Variants in CELF3 observed in about 807,000 individuals in gnomAD.
CELF3 encodes CAG repeat domain.
CELF3 carries 26 observed loss-of-function variants against 59.6 expected under a neutral mutation model. The ratio of observed to expected loss-of-function variants is 0.44; its 90% CI spans 0.32 to 0.61. The LOEUF (loss-of-function observed/expected upper bound fraction) is 0.61. CELF3 is among the 20% of genes least tolerant of loss of function. The pLI is 0.06. For missense variants in CELF3, 387 were observed against 627.2 expected (o/e 0.62, Z 4.09); for synonymous variants, 245 against 250.7 (o/e 0.98, Z 0.22).
rs1308583811 is a variant in CELF3, at chr1:151,705,027, C to A, written c.*10+4G>T. On this transcript the variant is annotated splice_donor_region_variant and intron_variant, in intron 12 of 12. Transcript: ENST00000290583. The surrounding 1 kb of genome is among the most constrained non-coding windows in gnomAD (Gnocchi z 5.1). Reference sequence around the variant, plus strand: ...GAGGGAGGCCACAACGGAGCGGGACCCACCTGGGGGCCCTCAGTAGGGCCG... The same window carrying A: ...GAGGGAGGCCACAACGGAGCGGGACACACCTGGGGGCCCTCAGTAGGGCCG... The A allele has an allele frequency of 6.8e-6, 11 of 1,608,340 alleles. No individual in the cohort carries two copies. Among genetic ancestry groups the A allele is most frequent in the Non-Finnish European group, 9.4e-6 (11 of 1,175,992 alleles).
chr1:151,706,913 G>A (rs548431265), intron 8 of CELF3, among the ~76,000 whole-genome samples, 179 bp from the exon 9 acceptor site: 4 of 152,346 alleles, frequency 2.6e-5, no homozygotes, highest in Admixed American at 2.0e-4. Context: ...AGAGCCCAGC[G>A]TTAGGAAGAC....
In CELF3 at chr1:151,711,199, G is replaced by A. The variant is rs377085552; in HGVS notation, c.229-1408C>T. The A allele has an allele frequency of 1.6e-4, 38 of 233,958 alleles. 2 individuals are homozygous for A. In the South Asian group the frequency reaches 2.3e-3, roughly 14 times the overall value. The allele number at this position is 233,958 out of a possible 1,614,324, so 14.5% of individuals were successfully genotyped here. A position where few individuals can be genotyped will look rare whatever the true frequency, so the allele number is the denominator to read the frequency against. The stretch of plus-strand genomic sequence containing the variant: ...TCCTTATCTGTAAAACAAGGGGGTG[G>A]GCCAGGCGATGTCTAATCAGGTTCC... On this transcript the variant is annotated intron_variant, in intron 2 of 12. Transcript: ENST00000290583.
In CELF3 at chr1:151,705,182, G is replaced by A. The variant is rs1672408227; in HGVS notation, c.1271-14C>T. On this transcript the variant is annotated splice_polypyrimidine_tract_variant and intron_variant, in intron 11 of 12. Transcript: ENST00000290583. This position sits in a 1 kb window ranked among gnomAD's most constrained non-coding sequence, Gnocchi z 5.1. ...AACTCACAAAGCCTGGGGTGAGAGGGGCATAAGGCCCGGCCCAGCCCCACC... is the reference window on the plus strand; with the variant it reads ...AACTCACAAAGCCTGGGGTGAGAGGAGCATAAGGCCCGGCCCAGCCCCACC... 2 of 1,609,050 alleles carry A rather than the reference G, an allele frequency of 1.2e-6. No individual in the cohort carries two copies. Among genetic ancestry groups the A allele is most frequent in the Non-Finnish European group, 1.7e-6 (2 of 1,176,566 alleles).
rs374425006 is a variant in CELF3, at chr1:151,707,771, G to A, written c.630+21C>T. On this transcript the variant is annotated intron_variant, in intron 6 of 12. Coordinates refer to ENST00000290583, the MANE Select transcript of CELF3 (RefSeq NM_007185.7). ...TACAGGGGGTCAGGAGGGCTGGCCCGGCATCAGGGGCAGTGCTCACGGCCT... is the reference window on the plus strand; with the variant it reads ...TACAGGGGGTCAGGAGGGCTGGCCCAGCATCAGGGGCAGTGCTCACGGCCT... The A allele has an allele frequency of 7.0e-5, 113 of 1,607,338 alleles. No homozygotes were observed. In the Middle Eastern group the frequency reaches 2.0e-3, roughly 28 times the overall value.
At position 151,703,840 on chromosome 1, in the gene CELF3, C is replaced by T. The variant is rs1001345939; in HGVS notation, c.*11-392G>A. 6.6e-5 allele frequency among the ~76,000 whole-genome samples: 10 copies of T among 152,086 alleles called. No homozygotes were observed. In the East Asian group the frequency reaches 1.2e-3, roughly 18 times the overall value. On this transcript the variant is annotated intron_variant, in intron 12 of 12. Transcript: ENST00000290583. Reference sequence around the variant, plus strand: ...CACCTGGAAAAAGAAAGGGAACACCCGCAGAGAAGGCCAGGGCAGAGCCCA... The same window carrying T: ...CACCTGGAAAAAGAAAGGGAACACCTGCAGAGAAGGCCAGGGCAGAGCCCA...
chr1:151,706,582 G>T, intron 9 of CELF3, 87 bp downstream of exon 9: 1 of 1,402,124 alleles, frequency 7.1e-7, no homozygotes, highest in Non-Finnish European at 9.9e-7. Context: ...TTGGCAGGGA[G>T]CCAAGAAGCC....
chr1:151,708,917 G>A, intron 5 of CELF3, 81 bp downstream of exon 5: 1 of 1,289,818 alleles, frequency 7.8e-7, no homozygotes, highest in South Asian at 1.2e-5. Context: ...CCCATCCTGA[G>A]TGGACTGCTT....
At position 151,716,334 on chromosome 1, in the gene CELF3, G is replaced by T; in HGVS notation, c.-314C>A. ...GGGTGAGTATGGCCAAGACCTGGAG[G>T]GTTAGGTGGTAGCCGGGGGTGCTAG... is the stretch of plus-strand genomic sequence containing the variant. On this transcript the variant is annotated 5_prime_UTR_variant, in exon 1 of 13. Transcript: ENST00000290583. 3 of 350,768 alleles carry T rather than the reference G, an allele frequency of 8.6e-6. No homozygotes were observed. Among genetic ancestry groups the T allele is most frequent in the East Asian group, 5.2e-5 (1 of 19,066 alleles). 21.7% of individuals were successfully genotyped at this position (350,768 alleles called of 1,614,324 possible). A position where few individuals can be genotyped will look rare whatever the true frequency, so the allele number is the denominator to read the frequency against.
In CELF3 at chr1:151,709,342, C is replaced by T. The variant is rs766430217; in HGVS notation, c.284G>A (p.Arg95Gln). Residue 95 changes from arginine to glutamine, a missense_variant, in exon 4 of 13, where the codon CGG (arginine) becomes CAG (glutamine). Arg to Gln is a conservative substitution (Grantham distance 43). Transcript: ENST00000290583. This position sits in a 1 kb window ranked among gnomAD's most constrained non-coding sequence, Gnocchi z 4.9. ...PADSESRGEDRKLFVGMLGKQ... is the reference protein window; with the variant it reads ...PADSESRGEDQKLFVGMLGKQ... Reference sequence around the variant, plus strand: ...CCCTAGCATCCCCACAAAGAGCTTCCGGTCTTCTGGGTGGTAGGGCACAGG... The same window carrying T: ...CCCTAGCATCCCCACAAAGAGCTTCTGGTCTTCTGGGTGGTAGGGCACAGG... The T allele has an allele frequency of 5.0e-6, 8 of 1,614,016 alleles. No homozygotes were observed. The highest frequency in any genetic ancestry group is 5.9e-6 in the Non-Finnish European group (7 of 1,179,936).
rs367603038 is a variant in CELF3, at chr1:151,705,878, T to G, written c.1214A>C (p.His405Pro). 6 of 1,614,072 alleles carry G rather than the reference T, an allele frequency of 3.7e-6. No individual in the cohort carries two copies. In the African/African-American group the frequency reaches 5.3e-5, roughly 14 times the overall value. ...EILQMFVPFG[H>P]VISAKVFVDR... ...AACAAAGACTTTGGCTGAGATGACG[T>G]GGCCAAAGGGGACAAACATCTGGAG... Residue 405 changes from histidine to proline, a missense_variant, in exon 11 of 13, where the codon CAC (histidine) becomes CCC (proline). His to Pro is a moderately conservative substitution (Grantham distance 77). This residue lies in a region of CELF3 where 48 missense variants were observed against 118.8 expected (regional missense o/e 0.40). Transcript: ENST00000290583. The surrounding 1 kb of genome is among the most constrained non-coding windows in gnomAD (Gnocchi z 5.1).
In CELF3 at chr1:151,709,476, G is replaced by A. The variant is rs549121975; in HGVS notation, c.278-128C>T. ...CCCTTAGGGTCCAATGGCTGTAGGG[G>A]CTGATGGTTGGGGAATGGGGTATAG... On this transcript the variant is annotated intron_variant, in intron 3 of 12. Coordinates refer to ENST00000290583, the MANE Select transcript of CELF3 (RefSeq NM_007185.7). This position sits in a 1 kb window ranked among gnomAD's most constrained non-coding sequence, Gnocchi z 4.9. The A allele has an allele frequency of 9.0e-6, 12 of 1,334,476 alleles. No homozygotes were observed. The highest frequency in any genetic ancestry group is 1.3e-5 in the Non-Finnish European group (12 of 951,708). The allele number at this position is 1,334,476 out of a possible 1,614,324, so 82.7% of individuals were successfully genotyped here.
At position 151,716,669 on chromosome 1, in the gene CELF3, G is replaced by GCCCC; in HGVS notation, c.-653_-650dup. 1 of 116,324 alleles carries GCCCC rather than the reference G, an allele frequency of 8.6e-6. No individual in the cohort carries two copies. 7.2% of individuals were successfully genotyped at this position (116,324 alleles called of 1,614,324 possible). A position where few individuals can be genotyped will look rare whatever the true frequency, so the allele number is the denominator to read the frequency against. ...CGCCCCCCTTCAGGTCCTCCCCTCA[G>GCCCC]CCCCCCTCCCACCCCCACCCCAGTC... On this transcript the variant is annotated 5_prime_UTR_variant, in exon 1 of 13. Coordinates refer to ENST00000290583, the MANE Select transcript of CELF3 (RefSeq NM_007185.7).
chr1:151,712,814 T>TA (rs1673134866), intron 2 of CELF3, among the ~76,000 whole-genome samples: 5 of 152,048 alleles, frequency 3.3e-5, no homozygotes, highest in African/African-American at 1.2e-4. Context: ...TCTGATTTTT[T>TA]TAAAAAAACC....
intron 2 of CELF3, among the ~76,000 whole-genome samples, chr1:151,711,533 C>T (rs1479270382): frequency 1.3e-5 from 2 of 152,058 alleles, no homozygotes; most frequent in African/African-American, 2.4e-5. Context: ...CTGCCCCCAG[C>T]TTTATCACCC....
At chr1:151,713,250 G>T (rs1240593649) in intron 2 of CELF3, among the ~76,000 whole-genome samples, 1 of 152,180 alleles carries the variant, frequency 6.6e-6, no homozygotes, top group Admixed American at 6.5e-5. Context: ...ACCCTGGGCT[G>T]GACTTCCTCA....
Position 151,707,285 on chromosome 1 carries a change from G to A in CELF3, c.782C>T (p.Thr261Ile), listed in dbSNP as rs748240817. 6.4e-7 allele frequency: 1 copy of A among 1,570,692 alleles called. No homozygotes were observed. The highest frequency in any genetic ancestry group is 8.6e-7 in the Non-Finnish European group (1 of 1,159,682). ...TPITPSSGTS[T>I]PPAIAATPVS... ...AGGCGTGGCAGCGATGGCAGGAGGG[G>A]TGCTGGTTCCTGGGGAGGAGAAAGC... Residue 261 changes from threonine to isoleucine, a missense_variant, in exon 8 of 13, where the codon ACC (threonine) becomes ATC (isoleucine). Thr to Ile is a moderately conservative substitution (Grantham distance 89, BLOSUM62 -1). Coordinates refer to ENST00000290583, the MANE Select transcript of CELF3 (RefSeq NM_007185.7).
intron 2 of CELF3, chr1:151,714,356 G>A: frequency 1.6e-6 from 1 of 613,742 alleles, no homozygotes; most frequent in Non-Finnish European, 2.9e-6. Flanking sequence ...GTGGGGAAGG[G>A]GCTGCATCTG....
In CELF3 at chr1:151,707,628, G is replaced by C. The variant is rs1430563013; in HGVS notation, c.651C>G (p.Ala217=). The part of the protein sequence containing the change: ...YTQALMQQQA[A]LVAAHSAYLS... ...GGTAGGCACTGTGAGCCGCTACCAGGGCCGCCTGCTGCTGCATCAGCTGGG... is the reference window on the plus strand; with the variant it reads ...GGTAGGCACTGTGAGCCGCTACCAGCGCCGCCTGCTGCTGCATCAGCTGGG... The change falls in exon 7 of 13, where the codon GCC becomes GCG. Residue 217 remains alanine (A), a synonymous_variant. Transcript: ENST00000290583. 6.2e-7 allele frequency: 1 copy of C among 1,607,188 alleles called. No individual in the cohort carries two copies.
At chr1:151,715,841 AC>A (rs776983039) in intron 1 of CELF3, 34 bp downstream of exon 1, 3 of 1,591,556 alleles carry the variant, frequency 1.9e-6, no homozygotes, top group Non-Finnish European at 2.6e-6. Context: ...CTCCCAGCCC[AC>A]CCCGAAGCCT....
Sources: gnomAD v4.1 joint callset for allele counts (sites outside exome capture counted in the v4.1 genomes callset) on GRCh38, gnomAD v4.1.1 for gene constraint, gnomAD v4.1.1 regional missense constraint, Gnocchi (gnomAD v3.1) non-coding constraint, MANE v1.5 for transcripts, NCBI Gene and HGNC (gene_info 2026-07-23, HGNC 2026-07-21) for gene names.